UGT2B11: variants seen among roughly 807,000 people sequenced by gnomAD.
The protein encoded by UGT2B11 is UDP-glucuronosyltransferase 2B11.
In UGT2B11, 49 loss-of-function variants were observed where a neutral mutation model predicts 51.7. The ratio of observed to expected loss-of-function variants is 0.95; its 90% CI spans 0.75 to 1.20. UGT2B11 has a LOEUF of 1.20. Ranked by LOEUF, UGT2B11 falls within the 50% of genes most tolerant of loss-of-function variation. UGT2B11 has a pLI of 0.00. For synonymous variants in UGT2B11, 273 were observed against 209.0 expected (o/e 1.31, Z -2.64); for missense variants, 810 against 622.1 (o/e 1.30, Z -3.21).
chr4:69,208,879 A>C (rs1048827398), intron 2 of UGT2B11, among the ~76,000 whole-genome samples: 3 of 151,642 alleles, frequency 2.0e-5, no homozygotes, highest in African/African-American at 7.3e-5. Context: ...CTACTAAATC[A>C]CTTGTGTTTA....
At chr4:69,210,187 T>G (rs917359120) in intron 2 of UGT2B11, among the ~76,000 whole-genome samples, 3 of 151,668 alleles carry the variant, frequency 2.0e-5, no homozygotes, top group African/African-American at 7.3e-5. Context: ...GATAAAATTA[T>G]TTTAATGCTA....
Position 69,200,657 on chromosome 4 carries a change from T to A in UGT2B11, c.1373A>T (p.Asp458Val). Residue 458 changes from aspartate to valine, a missense_variant, in exon 6 of 6, where the codon GAT becomes GTT. Coordinates refer to ENST00000446444, the MANE Select transcript of UGT2B11 (RefSeq NM_001073.3). The part of the protein sequence containing the change: ...IQHDQPVKPL[D>V]RAVFWIEFVM... ...AAATTCAATCCAGAAGACTGCTCGA[T>A]CCAGGGGCTTTACTGGTTGATCATG... is the stretch of plus-strand genomic sequence containing the variant. 1 of 1,612,328 alleles carries A rather than the reference T, an allele frequency of 6.2e-7. No homozygotes were observed. Among genetic ancestry groups the A allele is most frequent in the South Asian group, 1.1e-5 (1 of 91,024 alleles).
upstream of UGT2B11, chr4:69,215,427 T>C (rs1228357647): frequency 1.3e-5 from 2 of 152,004 alleles, no homozygotes; most frequent in Admixed American, 1.3e-4. Context: ...TTTAATGTTT[T>C]TAAAGGACCA....
Position 69,214,739 on chromosome 4 carries a change from C to A in UGT2B11, c.-17G>T, listed in dbSNP as rs554664765. On this transcript the variant is annotated 5_prime_UTR_variant, in exon 1 of 6. The change abolishes an upstream ATG in the 5' untranslated region. Coordinates refer to ENST00000446444, the MANE Select transcript of UGT2B11 (RefSeq NM_001073.3). ...CAGAGTCATCCTGGTGCAATGCGAT[C>A]ATTCTTTTCCAGTCACTGTTTCTTT... is the stretch of plus-strand genomic sequence containing the variant. 38 of 1,604,988 alleles carry A rather than the reference C, an allele frequency of 2.4e-5. No individual in the cohort carries two copies. In the South Asian group the frequency reaches 3.8e-4, roughly 16 times the overall value.
upstream of UGT2B11, among the ~76,000 whole-genome samples, chr4:69,218,132 C>T (rs1191740686): frequency 6.6e-6 from 1 of 152,096 alleles, no homozygotes; most frequent in Non-Finnish European, 1.5e-5. Flanking sequence ...ATCTTGCTTC[C>T]TACTTTTTCA....
chr4:69,216,015 T>A (rs950766539), upstream of UGT2B11: 2 of 152,030 alleles, frequency 1.3e-5, no homozygotes, highest in Non-Finnish European at 1.5e-5. Context: ...ACAAATGTGT[T>A]TTGGTACTAA....
chr4:69,217,655 T>A (rs1722308080), upstream of UGT2B11, among the ~76,000 whole-genome samples: 1 of 152,050 alleles, frequency 6.6e-6, no homozygotes, highest in African/African-American at 2.4e-5. Flanking sequence ...TGAAGGCCAA[T>A]TCTCCTCATT....
rs1477822702 is a variant in UGT2B11 at position 69,200,668 on chromosome 4, T to C, written c.1362A>G (p.Val454=). ...KLSRIQHDQP[V]KPLDRAVFWI... is the part of the protein sequence containing the mutation. ...AGAAGACTGCTCGATCCAGGGGCTT[T>C]ACTGGTTGATCATGTTGAATTCTTG... Residue 454 remains valine (V), a synonymous_variant, in exon 6 of 6, where the codon GTA becomes GTG. Transcript: ENST00000446444. 6 of 1,612,032 alleles carry C rather than the reference T, an allele frequency of 3.7e-6. No individual in the cohort carries two copies. The highest frequency in any genetic ancestry group is 5.1e-6 in the Non-Finnish European group (6 of 1,178,796).
At chr4:69,222,506 TGA>T in the UGT2B11 span, among the ~76,000 whole-genome samples, 12 of 152,316 alleles carry the variant, frequency 7.9e-5, no homozygotes, top group East Asian at 1.4e-3. Flanking sequence ...GGGTCTACAC[TGA>T]GGACTGCCTG....
intron 1 of UGT2B11, among the ~76,000 whole-genome samples, chr4:69,213,314 C>A (rs1722144454): frequency 6.6e-6 from 1 of 151,692 alleles, no homozygotes; most frequent in Non-Finnish European, 1.5e-5. Context: ...AAATAGAGAA[C>A]TGTACTCAAC....
intron 2 of UGT2B11, among the ~76,000 whole-genome samples, chr4:69,210,202 A>G (rs541074602): frequency 1.3e-5 from 2 of 151,672 alleles, no homozygotes; most frequent in Non-Finnish European, 3.0e-5. Context: ...ATGCTATTGT[A>G]TGCACATACA....
chr4:69,214,376 A>T lies in UGT2B11; in HGVS notation c.347T>A (p.Leu116Gln). ...TCTAAATATGTCATATAATTCCCAC[A>T]GGATTTCTTGTTCTTGTGAAAAATA... The part of the protein sequence containing the change: ...WLYFSQEQEI[L>Q]WELYDIFRNF... The change falls in exon 1 of 6, where the codon CTG becomes CAG. Residue 116 changes from leucine (L) to glutamine (Q), a missense_variant. Coordinates refer to ENST00000446444, the MANE Select transcript of UGT2B11 (RefSeq NM_001073.3). 6.2e-7 allele frequency: 1 copy of T among 1,612,704 alleles called. No homozygotes were observed. The highest frequency in any genetic ancestry group is 8.5e-7 in the Non-Finnish European group (1 of 1,179,376).
chr4:69,206,638 A>T (rs1446089433), intron 3 of UGT2B11, among the ~76,000 whole-genome samples: 3 of 151,714 alleles, frequency 2.0e-5, no homozygotes, highest in Non-Finnish European at 4.4e-5. Context: ...TAAAAATAAA[A>T]GTTAAATTAA....
chr4:69,208,450 T>G lies in UGT2B11; in HGVS notation c.903A>C (p.Glu301Asp). ...CCAGAGAAAACACCACAACACCATT[T>G]TCTCCAGAGCTCTGTACAAACTCCT... ...EMEEFVQSSGENGVVVFSLGS... is the reference protein window; with the variant it reads ...EMEEFVQSSGDNGVVVFSLGS... Residue 301 changes from glutamate (E) to aspartate (D), a missense_variant, in exon 3 of 6, where the codon GAA becomes GAC. Transcript: ENST00000446444. 6.2e-7 allele frequency: 1 copy of G among 1,609,704 alleles called. No homozygotes were observed. Among genetic ancestry groups the G allele is most frequent in the East Asian group, 2.2e-5 (1 of 44,762 alleles).
In UGT2B11 at chr4:69,200,336, T is replaced by TTTTTTTTTA; in HGVS notation, c.*103_*104insTAAAAAAAA. The TTTTTTTTTA allele has an allele frequency of 9.2e-7, 1 of 1,089,440 alleles. No homozygotes were observed. The highest frequency in any genetic ancestry group is 1.2e-6 in the Non-Finnish European group (1 of 854,694). 67.5% of individuals were successfully genotyped at this position (1,089,440 alleles called of 1,614,324 possible). ...AATTTTTTTTTTTTTTTTTTTTTTG[T>TTTTTTTTTA]CACAGGAAGAAAGAAATCTTGCATA... On this transcript the variant is annotated 3_prime_UTR_variant, in exon 6 of 6. Coordinates refer to ENST00000446444, the MANE Select transcript of UGT2B11 (RefSeq NM_001073.3).
rs1359581411 is a variant in UGT2B11 at position 69,200,518 on chromosome 4, C to T, written c.1512G>A (p.Val504=). 1 of 1,612,174 alleles carries T rather than the reference C, an allele frequency of 6.2e-7. No homozygotes were observed. The change falls in exon 6 of 6, where the codon GTG becomes GTA. Residue 504 remains valine, a synonymous_variant. Transcript: ENST00000446444. ...IGFLLACVAT[V]IFIITKFCLF... ...GACAAAACTTTGTGATGATAAATAT[C>T]ACAGTTGCCACACAGGCCAGCAGAA...
Position 69,204,536 on chromosome 4 carries a change from T to C in UGT2B11, c.1204A>G (p.Asn402Asp). 1 of 1,612,362 alleles carries C rather than the reference T, an allele frequency of 6.2e-7. No homozygotes were observed. The highest frequency in any genetic ancestry group is 8.5e-7 in the Non-Finnish European group (1 of 1,178,912). ...CCCTTGGCCTTCATGTGAGCAATGT[T>C]ATCAGGTTGATCAAAAAACAATGGA... The part of the protein sequence containing the change: ...GIPLFFDQPD[N>D]IAHMKAKGAA... The change falls in exon 5 of 6, where the codon AAC becomes GAC. Residue 402 changes from asparagine to aspartate, a missense_variant. Transcript: ENST00000446444.
upstream of UGT2B11, among the ~76,000 whole-genome samples, chr4:69,217,959 T>C (rs1173559245): frequency 6.6e-6 from 1 of 152,100 alleles, no homozygotes; most frequent in African/African-American, 2.4e-5. Context: ...TGGAATTAAT[T>C]CCACTAATGA....
Position 69,214,257 on chromosome 4 carries a change from A to G in UGT2B11, c.466T>C (p.Cys156Arg), listed in dbSNP as rs7697037. Residue 156 changes from cysteine to arginine, a missense_variant, in exon 1 of 6, where the codon TGT becomes CGT. Physicochemically the swap from Cys to Arg is radical, Grantham distance 180. Coordinates refer to ENST00000446444, the MANE Select transcript of UGT2B11 (RefSeq NM_001073.3). ...DIVFADAVFPCGELLAALLNI... is the reference protein window; with the variant it reads ...DIVFADAVFPRGELLAALLNI... ...AGTAGCGCAGCCAGCAGCTCACCAC[A>G]GGGAAAAACAGCATCTGCAAAAACG... 0.11 allele frequency: 179,596 copies of G among 1,613,064 alleles called. 12,371 individuals carry two copies. The highest frequency in any genetic ancestry group is 0.27 in the African/African-American group (19,906 of 74,860).
Sources: allele counts gnomAD v4.1 joint callset (sites outside exome capture counted in the v4.1 genomes callset), GRCh38; gene constraint gnomAD v4.1.1; transcripts MANE v1.5; gene names NCBI Gene and HGNC (gene_info 2026-07-23, HGNC 2026-07-21).